The following SNTB1 variants were observed in gnomAD, a reference collection of about 807,000 sequenced individuals.
SNTB1 encodes the protein syntrophin beta 1.
Under a neutral mutation model 48.9 loss-of-function variants are expected in SNTB1, and 36 were observed. The observed-to-expected ratio is 0.74, with a 90% CI of 0.56 to 0.97. The LOEUF is 0.97. SNTB1 is among the 50% of genes least tolerant of loss of function. The pLI, the probability that SNTB1 is intolerant of heterozygous loss-of-function variation, is 0.00. For missense variants in SNTB1, 786 were observed against 703.4 expected, an observed-to-expected ratio of 1.12 and a Z score of -1.33; for synonymous variants, 299 against 294.6, an observed-to-expected ratio of 1.01 and a Z score of -0.15.
intron 2 of SNTB1, among the ~76,000 whole-genome samples, chr8:120,645,978 T>G (rs1817290439): frequency 6.7e-6 from 1 of 148,896 alleles, no homozygotes; most frequent in East Asian, 2.0e-4. Context: ...CTGTTGTTGG[T>G]GTATAAGAAT....
chr8:120,667,172 C>T (rs556784366), intron 2 of SNTB1, among the ~76,000 whole-genome samples: 2 of 31,082 alleles, frequency 6.4e-5, no homozygotes, highest in East Asian at 4.2e-3. Context: ...TCATAGTTCA[C>T]TGCAGCGGCA....
chr8:120,625,953 T>C (rs1356347985), intron 3 of SNTB1, among the ~76,000 whole-genome samples: 10 of 152,162 alleles, frequency 6.6e-5, no homozygotes, highest in Admixed American at 6.5e-4. Flanking sequence ...GGGGCTGATA[T>C]ATTTAGAGGC....
chr8:120,695,270 G>A (rs150835884), intron 1 of SNTB1, among the ~76,000 whole-genome samples: 6 of 152,286 alleles, frequency 3.9e-5, no homozygotes, highest in Admixed American at 3.3e-4. Context: ...TGCCTTCCCT[G>A]TGCAAGACAT....
At chr8:120,782,102 G>T (rs1819839773) in intron 1 of SNTB1, among the ~76,000 whole-genome samples, 1 of 152,176 alleles carries the variant, frequency 6.6e-6, no homozygotes, top group Non-Finnish European at 1.5e-5. Context: ...TCCATGGCTT[G>T]CTGGTAGATC....
At chr8:120,808,207 C>T (rs1587180505) in intron 1 of SNTB1, among the ~76,000 whole-genome samples, 2 of 152,164 alleles carry the variant, frequency 1.3e-5, no homozygotes, top group Admixed American at 6.5e-5. Context: ...GCTACCGTAC[C>T]GGCCACTATG....
intron 1 of SNTB1, among the ~76,000 whole-genome samples, chr8:120,727,536 T>C (rs1818779665): frequency 6.6e-6 from 1 of 152,186 alleles, no homozygotes; most frequent in Non-Finnish European, 1.5e-5. Context: ...CTTCGTACAG[T>C]GCCTAGCAAT....
intron 2 of SNTB1, among the ~76,000 whole-genome samples, chr8:120,659,378 G>A (rs535628562): frequency 6.6e-6 from 1 of 152,162 alleles, no homozygotes; most frequent in South Asian, 2.1e-4. Context: ...CATAAGAAAC[G>A]ACGCCTGCAT....
chr8:120,574,980 C>T lies in SNTB1; in HGVS notation c.1136+106G>A, dbSNP rs761937312. Reference sequence around the variant, plus strand: ...GGCTATATTCTTAAGGAGCTCTCAGCCCCTGCTGCAATAGTGAGCAGTAAT... The same window carrying T: ...GGCTATATTCTTAAGGAGCTCTCAGTCCCTGCTGCAATAGTGAGCAGTAAT... On this transcript the variant is annotated intron_variant, in intron 4 of 6. Coordinates refer to ENST00000517992, the MANE Select transcript of SNTB1 (RefSeq NM_021021.4). 4 of 1,398,670 alleles carry T rather than the reference C, an allele frequency of 2.9e-6. No individual in the cohort carries two copies. The Admixed American group carries it at 7.6e-5, about 26-fold the overall frequency. 86.6% of individuals were successfully genotyped at this position (1,398,670 alleles called of 1,614,324 possible).
chr8:120,811,730 C>A lies in SNTB1; in HGVS notation c.114G>T (p.Leu38=). Reference sequence around the variant, plus strand: ...CCAGGGCGTCCTCGCTCAAGTTCACCAGAACTTTGTGCCAGCGATCCCGCA... The same window carrying A: ...CCAGGGCGTCCTCGCTCAAGTTCACAAGAACTTTGTGCCAGCGATCCCGCA... ...VLVRDRWHKV[L]VNLSEDALVL... Residue 38 remains leucine, a synonymous_variant, in exon 1 of 7, where the codon CTG becomes CTT. Transcript: ENST00000517992. 1 of 1,563,734 alleles carries A rather than the reference C, an allele frequency of 6.4e-7. No homozygotes were observed. The highest frequency in any genetic ancestry group is 1.2e-5 in the South Asian group (1 of 85,404).
intron 1 of SNTB1, among the ~76,000 whole-genome samples, chr8:120,764,412 C>A (rs1015039785): frequency 6.6e-6 from 1 of 152,158 alleles, no homozygotes; most frequent in African/African-American, 2.4e-5. Context: ...GCATTATAAG[C>A]AGTGACTTTA....
At chr8:120,592,699 C>A (rs1437324014) in intron 3 of SNTB1, among the ~76,000 whole-genome samples, 1 of 152,042 alleles carries the variant, frequency 6.6e-6, no homozygotes, top group Non-Finnish European at 1.5e-5. Flanking sequence ...ATTACATAAG[C>A]CGTCAAATAA....
At chr8:120,679,355 T>A (rs6987331) in intron 2 of SNTB1, among the ~76,000 whole-genome samples, 4 of 152,028 alleles carry the variant, frequency 2.6e-5, no homozygotes, top group East Asian at 1.9e-4. Flanking sequence ...GCAGTCGTAC[T>A]CTAAGTCTCA....
intron 1 of SNTB1, among the ~76,000 whole-genome samples, chr8:120,741,316 T>C (rs1325389866): frequency 6.6e-6 from 1 of 152,200 alleles, no homozygotes; most frequent in South Asian, 2.1e-4. Flanking sequence ...GTTAGAAGTA[T>C]AGTGTTTTAC....
intron 4 of SNTB1, among the ~76,000 whole-genome samples, chr8:120,555,448 A>G (rs1563816179): frequency 6.6e-6 from 1 of 152,120 alleles, no homozygotes; most frequent in Non-Finnish European, 1.5e-5. Context: ...ATGCAAATGG[A>G]CTTTCCAGTT....
At chr8:120,561,956 A>G (rs559536656) in intron 4 of SNTB1, among the ~76,000 whole-genome samples, 2 of 152,302 alleles carry the variant, frequency 1.3e-5, no homozygotes, top group South Asian at 4.1e-4. Context: ...ATTTAGAGAT[A>G]GCTCTGTTGT....
intron 1 of SNTB1, among the ~76,000 whole-genome samples, chr8:120,718,840 A>C (rs1818606522): frequency 6.6e-6 from 1 of 152,164 alleles, no homozygotes; most frequent in African/African-American, 2.4e-5. Context: ...AAATGTTACA[A>C]ACACTAAGGC....
intron 1 of SNTB1, among the ~76,000 whole-genome samples, chr8:120,768,347 G>A (rs1331215066): frequency 6.6e-6 from 1 of 152,180 alleles, no homozygotes; most frequent in Non-Finnish European, 1.5e-5. Flanking sequence ...TATCTTCAGA[G>A]CTTTATAAAG....
intron 4 of SNTB1, among the ~76,000 whole-genome samples, chr8:120,560,817 T>C (rs529650365): frequency 3.9e-5 from 6 of 152,304 alleles, no homozygotes; most frequent in African/African-American, 1.4e-4. Context: ...CATTATCTTG[T>C]TTAATTGCCG....
chr8:120,573,734 A>G (rs1163948212), intron 4 of SNTB1, among the ~76,000 whole-genome samples: 1 of 152,088 alleles, frequency 6.6e-6, no homozygotes, highest in Non-Finnish European at 1.5e-5. Context: ...AATAGGGTTC[A>G]TTGTTTTGCA....
Sources: allele counts gnomAD v4.1 joint callset (sites outside exome capture counted in the v4.1 genomes callset), GRCh38; gene constraint gnomAD v4.1.1; transcripts MANE v1.5; gene names NCBI Gene and HGNC (gene_info 2026-07-23, HGNC 2026-07-21).